The following KCNH6 variants were observed in gnomAD, a reference collection of about 807,000 sequenced individuals.
KCNH6 encodes the protein potassium voltage-gated channel subfamily H member 6.
A neutral mutation model predicts 83.4 loss-of-function variants in KCNH6; 81 were observed. The ratio of observed to expected loss-of-function variants is 0.97; its 90% CI spans 0.81 to 1.17. The LOEUF is 1.17. Among genes scored for constraint, KCNH6 ranks in the 50% most tolerant of loss-of-function variants. The pLI, the probability that KCNH6 is intolerant of heterozygous loss-of-function variation, is 0.00. For missense variants in KCNH6, 1,203 were observed against 1,290.5 expected (o/e 0.93, Z 1.04); for synonymous variants, 503 against 545.6 (o/e 0.92, Z 1.09).
intron 12 of KCNH6, 22 bp from the exon 13 acceptor site, chr17:63,545,586 TC>T (rs1360855053): frequency 6.2e-7 from 1 of 1,602,020 alleles, no homozygotes; most frequent in African/African-American, 1.3e-5. Flanking sequence ...CTGGGGTGCA[TC>T]CCTCTTTCTT....
Position 63,542,424 on chromosome 17 carries a change from A to G in KCNH6, c.2138A>G (p.Asn713Ser). 1 of 1,613,870 alleles carries G rather than the reference A, an allele frequency of 6.2e-7. No homozygotes were observed. The highest frequency in any genetic ancestry group is 8.5e-7 in the Non-Finnish European group (1 of 1,179,902). The change falls in exon 9 of 13, where the codon AAC becomes AGC. Residue 713 changes from asparagine (N) to serine (S), a missense_variant. Coordinates refer to ENST00000314672, the MANE Select transcript of KCNH6 (RefSeq NM_001278919.2). ...TGGAGTAAGCTGGAGGTCACCTTCA[A>G]CCTGCGGGACGTGAGTCAGGGCCAG... ...SFWSKLEVTF[N>S]LRDAAGGLHS...
At chr17:63,536,243 A>T (rs2032493710) in intron 6 of KCNH6, 175 bp downstream of exon 6, 1 of 624,716 alleles carries the variant, frequency 1.6e-6, no homozygotes, top group Non-Finnish European at 2.8e-6. Context: ...AGTGTATACA[A>T]TATTTAACAC....
chr17:63,534,074 ACGGCGTGGGGCCTGCAG>A lies in KCNH6; in HGVS notation c.866_882del (p.Arg289LeufsTer34), dbSNP rs1969330046. On this transcript the variant is annotated frameshift_variant, in exon 5 of 13. Coordinates refer to ENST00000314672, the MANE Select transcript of KCNH6 (RefSeq NM_001278919.2). LOFTEE classifies it high-confidence loss of function. This position sits in a 1 kb window ranked among gnomAD's most constrained non-coding sequence, Gnocchi z 5.0. ...TCCTGCTCAGCGATCAGGACGAATC[ACGGCGTGGGGCCTGCAG>A]CTATACCTGCAGTCCCCTCACTGTG... is the stretch of plus-strand genomic sequence containing the variant. 1 of 1,613,862 alleles carries A rather than the reference ACGGCGTGGGGCCTGCAG, an allele frequency of 6.2e-7. No individual in the cohort carries two copies. The highest frequency in any genetic ancestry group is 1.3e-5 in the African/African-American group (1 of 74,840).
Position 63,538,626 on chromosome 17 carries a change from G to A in KCNH6, c.1918G>A (p.Glu640Lys), listed in dbSNP as rs145980296. The A allele has an allele frequency of 5.9e-5, 94 of 1,604,208 alleles. No individual in the cohort carries two copies. In the African/African-American group the frequency reaches 1.2e-3, roughly 20 times the overall value. Residue 640 changes from glutamate (E) to lysine (K), a missense_variant, in exon 8 of 13, where the codon GAG becomes AAG. Glu to Lys is a moderately conservative substitution (Grantham distance 56, BLOSUM62 1). Coordinates refer to ENST00000314672, the MANE Select transcript of KCNH6 (RefSeq NM_001278919.2). This position sits in a 1 kb window ranked among gnomAD's most constrained non-coding sequence, Gnocchi z 4.0. ...CTACTTCATCTCCCGAGGCTCCATC[G>A]AGATCCTGCGCGACGACGTGGTCGT... ...TLYFISRGSI[E>K]ILRDDVVVAI...
Position 63,535,340 on chromosome 17 carries a change from T to A in KCNH6, c.1102-329T>A, listed in dbSNP as rs535292722. Among the ~76,000 whole-genome samples, 19 of 152,154 alleles carry A rather than the reference T, an allele frequency of 1.2e-4. No homozygotes were observed. In the East Asian group the frequency reaches 3.7e-3, roughly 29 times the overall value. On this transcript the variant is annotated intron_variant, in intron 5 of 12. Transcript: ENST00000314672. This position sits in a 1 kb window ranked among gnomAD's most constrained non-coding sequence, Gnocchi z 4.9. ...CCCTGAGCCAGGAGTGCCCTTTCCC[T>A]CTCTCTCCTGTCTGTCTGGAGCCCT...
In KCNH6 at chr17:63,538,934, T is replaced by C. The variant is rs1233323125; in HGVS notation, c.1954+272T>C. 6.6e-6 allele frequency among the ~76,000 whole-genome samples: 1 copy of C among 152,114 alleles called. No individual in the cohort carries two copies. Among genetic ancestry groups the C allele is most frequent in the Non-Finnish European group, 1.5e-5 (1 of 68,004 alleles). ...CAGGCAGGGATTCCAGGGCTGCCAG[T>C]GTGACTCAGAAGCCCAGGCAGGTCT... On this transcript the variant is annotated intron_variant, in intron 8 of 12. Transcript: ENST00000314672. This position sits in a 1 kb window ranked among gnomAD's most constrained non-coding sequence, Gnocchi z 4.0.
At chr17:63,529,199 G>A (rs1034221402) in intron 2 of KCNH6, among the ~76,000 whole-genome samples, 1 of 152,212 alleles carries the variant, frequency 6.6e-6, no homozygotes, top group Non-Finnish European at 1.5e-5. Flanking sequence ...AGACCCTGGA[G>A]GGGCAGAGTC....
In KCNH6 at chr17:63,542,306, G is replaced by A. The variant is rs201547916; in HGVS notation, c.2020G>A (p.Val674Met). Reference protein sequence around the residue: ...HAQPGKSSADVRALTYCDLHK... With the variant: ...HAQPGKSSADMRALTYCDLHK... ...CCAGCCAGGCAAGTCCAGTGCAGAC[G>A]TGCGGGCTCTGACCTACTGCGACCT... Residue 674 changes from valine (V) to methionine (M), a missense_variant, in exon 9 of 13, where the codon GTG (valine) becomes ATG (methionine). Transcript: ENST00000314672. 14 of 1,614,182 alleles carry A rather than the reference G, an allele frequency of 8.7e-6. No homozygotes were observed. Among genetic ancestry groups the A allele is most frequent in the South Asian group, 2.2e-5 (2 of 91,088 alleles).
In KCNH6 at chr17:63,536,200, CA is replaced by C. The variant is rs1341220713; in HGVS notation, c.1501+133del. On this transcript the variant is annotated intron_variant, in intron 6 of 12. Coordinates refer to ENST00000314672, the MANE Select transcript of KCNH6 (RefSeq NM_001278919.2). The stretch of plus-strand genomic sequence containing the variant: ...ATGCAGTACACTGATCCTAAGTGTG[CA>C]GCACAATGAATTTTTGCTGGTGTGT... The C allele has an allele frequency of 1.2e-5, 10 of 833,184 alleles. No individual in the cohort carries two copies. In the Middle Eastern group the frequency reaches 7.0e-4, roughly 58 times the overall value. The allele number at this position is 833,184 out of a possible 1,614,324, so 51.6% of individuals were successfully genotyped here.
chr17:63,529,802 C>T (rs1468843967), intron 2 of KCNH6, among the ~76,000 whole-genome samples: 1 of 152,228 alleles, frequency 6.6e-6, no homozygotes, highest in Admixed American at 6.5e-5. Context: ...CAGAAGCAGA[C>T]CTCGAGGTTA....
At chr17:63,529,958 C>G in intron 2 of KCNH6, 133 bp from the exon 3 acceptor site, 3 of 925,690 alleles carry the variant, frequency 3.2e-6, no homozygotes, top group Non-Finnish European at 4.8e-6. Context: ...CCCAGTATCT[C>G]TGGTCACTGT....
Position 63,535,604 on chromosome 17 carries a change from G to A in KCNH6, c.1102-65G>A. 6.8e-7 allele frequency: 1 copy of A among 1,464,680 alleles called. No homozygotes were observed. The highest frequency in any genetic ancestry group is 9.2e-7 in the Non-Finnish European group (1 of 1,083,708). The allele number at this position is 1,464,680 out of a possible 1,614,324, so 90.7% of individuals were successfully genotyped here. Reference sequence around the variant, plus strand: ...TGGTTGTATGCATGAGTGAACAAAAGCAGGCCTGACTGCACCCTTCCAAGG... The same window carrying A: ...TGGTTGTATGCATGAGTGAACAAAAACAGGCCTGACTGCACCCTTCCAAGG... On this transcript the variant is annotated intron_variant, in intron 5 of 12. Coordinates refer to ENST00000314672, the MANE Select transcript of KCNH6 (RefSeq NM_001278919.2). The surrounding 1 kb of genome is among the most constrained non-coding windows in gnomAD (Gnocchi z 4.9).
Position 63,534,129 on chromosome 17 carries a change from G to A in KCNH6, c.919G>A (p.Val307Met), listed in dbSNP as rs577511318. 167 of 1,590,166 alleles carry A rather than the reference G, an allele frequency of 1.1e-4. No individual in the cohort carries two copies. The highest frequency in any genetic ancestry group is 2.9e-4 in the African/African-American group (20 of 68,932). ...CSPLTVVDLIVDIMFVVDIVI... is the reference protein window; with the variant it reads ...CSPLTVVDLIMDIMFVVDIVI... ...TCCCCTCACTGTGGTGGATCTCATC[G>A]TGGACATCATGTTCGTCGTGGACAT... Residue 307 changes from valine (V) to methionine (M), a missense_variant, in exon 5 of 13, where the codon GTG becomes ATG. Coordinates refer to ENST00000314672, the MANE Select transcript of KCNH6 (RefSeq NM_001278919.2). This position sits in a 1 kb window ranked among gnomAD's most constrained non-coding sequence, Gnocchi z 5.0.
At chr17:63,540,200 C>T (rs144360890) in intron 8 of KCNH6, among the ~76,000 whole-genome samples, 5,385 of 152,074 alleles carry the variant, frequency 0.035, 297 homozygotes, top group African/African-American at 0.12. Context: ...TTTGGGAGGC[C>T]GAGGTGGGTG....
intron 2 of KCNH6, 111 bp downstream of exon 2, chr17:63,524,480 A>G: frequency 1.2e-6 from 1 of 820,630 alleles, no homozygotes; most frequent in South Asian, 1.6e-5. Context: ...GGCCTGAACA[A>G]ACCCTGTTTC....
At position 63,546,059 on chromosome 17, in the gene KCNH6, C is replaced by T. The variant is rs1405516320; in HGVS notation, c.*157C>T. ...ACCATCCTGGCTAACACGGTGAAAC[C>T]CCACCTCTACTAAAATTAAAAAAGA... On this transcript the variant is annotated 3_prime_UTR_variant, in exon 13 of 13. Transcript: ENST00000314672. 1.6e-6 allele frequency: 1 copy of T among 616,160 alleles called. No homozygotes were observed. Among genetic ancestry groups the T allele is most frequent in the Non-Finnish European group, 2.8e-6 (1 of 360,252 alleles). The allele number at this position is 616,160 out of a possible 1,614,324, so 38.2% of individuals were successfully genotyped here.
At chr17:63,525,626 G>A (rs534680966) in intron 2 of KCNH6, among the ~76,000 whole-genome samples, 160 of 152,108 alleles carry the variant, frequency 1.1e-3, no homozygotes, top group African/African-American at 3.0e-3. Flanking sequence ...GCAAGTTCAC[G>A]CCTGTGTGTG....
At position 63,530,470 on chromosome 17, in the gene KCNH6, C is replaced by T. The variant is rs766967717; in HGVS notation, c.603C>T (p.Thr201=). Residue 201 remains threonine (T), a synonymous_variant, in exon 4 of 13, where the codon ACC becomes ACT. Coordinates refer to ENST00000314672, the MANE Select transcript of KCNH6 (RefSeq NM_001278919.2). ...TGGAGAAGCACCGCTCCAGCTCCAC[C>T]ACGGAGATTGAGATCATCGCGCCCC... The part of the protein sequence containing the change: ...FNLEKHRSSS[T]TEIEIIAPHK... 1.9e-6 allele frequency: 3 copies of T among 1,614,232 alleles called. No homozygotes were observed. Among genetic ancestry groups the T allele is most frequent in the Non-Finnish European group, 2.5e-6 (3 of 1,180,040 alleles).
intron 2 of KCNH6, among the ~76,000 whole-genome samples, chr17:63,529,867 C>T (rs987576961): frequency 3.9e-5 from 6 of 152,364 alleles, no homozygotes; most frequent in African/African-American, 1.4e-4. Flanking sequence ...GCTACCTTAT[C>T]TCCTAATAAG....
Sources: allele counts gnomAD v4.1 joint callset (sites outside exome capture counted in the v4.1 genomes callset), GRCh38; gene constraint gnomAD v4.1.1; non-coding constraint Gnocchi (gnomAD v3.1); transcripts MANE v1.5; gene names NCBI Gene and HGNC (gene_info 2026-07-23, HGNC 2026-07-21).